Variants in AP2B1 observed in about 807,000 individuals in gnomAD.
The protein encoded by AP2B1 is AP-2 complex subunit beta.
AP2B1 carries 23 observed loss-of-function variants against 102.0 expected under a neutral mutation model. That is an observed-to-expected ratio of 0.23 (90% CI 0.16 to 0.32). The LOEUF (loss-of-function observed/expected upper bound fraction) is 0.32. AP2B1 is among the 10% of genes least tolerant of loss of function. The pLI is 1.00. For synonymous variants in AP2B1, 381 were observed against 421.2 expected (o/e 0.90, Z 1.17); for missense variants, 541 against 1,157.4 (o/e 0.47, Z 7.73).
At chr17:35,680,691 T>TTTTTGTTG in intron 17 of AP2B1, among the ~76,000 whole-genome samples, 1 of 42,064 alleles carries the variant, frequency 2.4e-5, no homozygotes, top group African/African-American at 2.1e-4. Context: ...TTTTGGTTTT[T>TTTTTGTTG]TTTTTTTTGT....
intron 18 of AP2B1, among the ~76,000 whole-genome samples, chr17:35,696,621 T>C (rs1263184694): frequency 6.6e-6 from 1 of 151,926 alleles, no homozygotes; most frequent in African/African-American, 2.4e-5. Context: ...ACAACTAACC[T>C]CAAGTGATCT....
At chr17:35,636,874 A>C (rs1378144052) in intron 10 of AP2B1, among the ~76,000 whole-genome samples, 1 of 152,220 alleles carries the variant, frequency 6.6e-6, no homozygotes, top group Non-Finnish European at 1.5e-5. Flanking sequence ...GCACCCTACC[A>C]TAAAAGCCAG....
chr17:35,706,805 T>TC (rs2076348707), intron 18 of AP2B1, among the ~76,000 whole-genome samples: 1 of 151,746 alleles, frequency 6.6e-6, no homozygotes, highest in Non-Finnish European at 1.5e-5. Flanking sequence ...CACACCCAAC[T>TC]AATATATATA....
intron 5 of AP2B1, among the ~76,000 whole-genome samples, chr17:35,610,013 G>T (rs532628250): frequency 6.6e-6 from 1 of 152,228 alleles, no homozygotes; most frequent in Admixed American, 6.5e-5. Flanking sequence ...TAGGCATAAG[G>T]GTGGGCGTCG....
At chr17:35,609,597 A>G (rs1031589539) in intron 5 of AP2B1, among the ~76,000 whole-genome samples, 4 of 152,060 alleles carry the variant, frequency 2.6e-5, no homozygotes, top group Non-Finnish European at 5.9e-5. Context: ...TCCACCTGAC[A>G]TGGCCTCCCA....
chr17:35,684,297 G>A (rs1038340936), intron 18 of AP2B1, among the ~76,000 whole-genome samples: 1 of 152,186 alleles, frequency 6.6e-6, no homozygotes, highest in Non-Finnish European at 1.5e-5. Context: ...CAGTCTGAAT[G>A]AGACTATGAA....
At chr17:35,637,995 T>G (rs2074659231) in intron 10 of AP2B1, among the ~76,000 whole-genome samples, 1 of 151,884 alleles carries the variant, frequency 6.6e-6, no homozygotes, top group African/African-American at 2.4e-5. Flanking sequence ...CTAAACTTTT[T>G]TTAATTAACT....
chr17:35,695,078 C>T (rs2076115673), intron 18 of AP2B1, among the ~76,000 whole-genome samples: 1 of 152,154 alleles, frequency 6.6e-6, no homozygotes, highest in South Asian at 2.1e-4. Flanking sequence ...AAAAGAAAGA[C>T]TGGTCCCTTT....
chr17:35,720,561 ATATATATATATATTT>A (rs2085338219), intron 21 of AP2B1, among the ~76,000 whole-genome samples: 1 of 49,024 alleles, frequency 2.0e-5, no homozygotes, highest in African/African-American at 7.7e-5. Context: ...ATATATATAT[ATATATATATATATTT>A]TTTTTTTTTT....
intron 12 of AP2B1, among the ~76,000 whole-genome samples, chr17:35,649,875 C>G (rs2075042144): frequency 3.9e-5 from 6 of 152,176 alleles, no homozygotes; most frequent in African/African-American, 1.4e-4. Context: ...GATCCTCCTC[C>G]CTCAGTTTCC....
chr17:35,593,292 G>T (rs2142293493), intron 1 of AP2B1, among the ~76,000 whole-genome samples: 1 of 152,188 alleles, frequency 6.6e-6, no homozygotes, highest in Admixed American at 6.5e-5. Flanking sequence ...ATAACTAAAA[G>T]AATGTAATTG....
intron 12 of AP2B1, among the ~76,000 whole-genome samples, chr17:35,649,727 A>G (rs889985038): frequency 6.6e-6 from 1 of 152,164 alleles, no homozygotes; most frequent in Non-Finnish European, 1.5e-5. Context: ...TAGAGATTAC[A>G]GAATTATGAC....
Position 35,688,072 on chromosome 17 carries a change from T to C in AP2B1, c.2454+5248T>C, listed in dbSNP as rs112892874. Among the ~76,000 whole-genome samples, 729 of 152,362 alleles carry C rather than the reference T, an allele frequency of 4.8e-3. 3 individuals carry two copies. Among genetic ancestry groups the C allele is most frequent in the Admixed American group, 7.7e-3 (118 of 15,306 alleles). ...TCTCTTCTAGACTGATTTACTTGAA[T>C]GCCTGGAACATAGCTGTCTTCCTGG... On this transcript the variant is annotated intron_variant, in intron 18 of 21. Coordinates refer to ENST00000610402, the MANE Select transcript of AP2B1 (RefSeq NM_001030006.2).
chr17:35,682,871 A>C, intron 18 of AP2B1, 47 bp downstream of exon 18: 1 of 1,265,838 alleles, frequency 7.9e-7, no homozygotes, highest in South Asian at 1.3e-5. Context: ...TATCTTGACA[A>C]TTATTATTAT....
chr17:35,688,659 A>G (rs80153310), intron 18 of AP2B1, among the ~76,000 whole-genome samples: 2,667 of 151,868 alleles, frequency 0.018, 52 homozygotes, highest in African/African-American at 0.049. Context: ...CTTTTGCTCT[A>G]CTTTTTAAAA....
intron 18 of AP2B1, among the ~76,000 whole-genome samples, chr17:35,697,144 T>C (rs1466038161): frequency 6.6e-6 from 1 of 152,238 alleles, no homozygotes; most frequent in Non-Finnish European, 1.5e-5. Context: ...TCTGGATAGG[T>C]CTGGTCCTGG....
At chr17:35,596,968 C>A in intron 2 of AP2B1, 1 of 675,870 alleles carries the variant, frequency 1.5e-6, no homozygotes, top group East Asian at 3.4e-5. Context: ...AGAAAGCTGT[C>A]TCGTGCGCCT....
At chr17:35,689,801 C>G (rs2076006140) in intron 18 of AP2B1, among the ~76,000 whole-genome samples, 1 of 152,186 alleles carries the variant, frequency 6.6e-6, no homozygotes, top group Admixed American at 6.5e-5. Context: ...CTAGATGGGA[C>G]AGTGCAGAAG....
chr17:35,608,164 T>A lies in AP2B1; in HGVS notation c.302T>A (p.Leu101Ter). The A allele has an allele frequency of 6.2e-7, 1 of 1,613,578 alleles. No individual in the cohort carries two copies. The highest frequency in any genetic ancestry group is 8.5e-7 in the Non-Finnish European group (1 of 1,180,036). The change falls in exon 5 of 22, where the codon TTG becomes TAG. Residue 101 changes from leucine (L) to a stop codon, truncating the protein, a stop_gained. Transcript: ENST00000610402. LOFTEE classifies it high-confidence loss of function. ...FVKDCEDPNP[L>*]IRALAVRTMG... ...CAGGACTGTGAAGATCCTAATCCTT[T>A]GATTCGAGCCTTGGCAGTCAGAACC...
Sources: allele counts gnomAD v4.1 joint callset (sites outside exome capture counted in the v4.1 genomes callset), GRCh38; gene constraint gnomAD v4.1.1; transcripts MANE v1.5; gene names NCBI Gene and HGNC (gene_info 2026-07-23, HGNC 2026-07-21).